Variants in AGMO observed in about 807,000 individuals in gnomAD.
AGMO encodes the protein glyceryl-ether monooxygenase.
A neutral mutation model predicts 60.2 loss-of-function variants in AGMO; 75 were observed. That is an observed-to-expected ratio of 1.25 (90% CI 1.03 to 1.51). AGMO has a LOEUF of 1.51. Ranked by LOEUF, AGMO falls within the 40% of genes most tolerant of loss-of-function variation. The pLI, the probability that AGMO is intolerant of heterozygous loss-of-function variation, is 0.00. For missense variants in AGMO, 763 were observed against 525.5 expected (o/e 1.45, Z -4.42); for synonymous variants, 261 against 177.1 (o/e 1.47, Z -3.76).
intron 12 of AGMO, among the ~76,000 whole-genome samples, chr7:15,298,142 CAGAT>C (rs1019679142): frequency 3.9e-5 from 6 of 152,024 alleles, no homozygotes; most frequent in African/African-American, 4.8e-5. Flanking sequence ...AACTGAGAAA[CAGAT>C]AGACTACTTG....
chr7:15,486,354 T>A (rs1313010964), intron 3 of AGMO, among the ~76,000 whole-genome samples: 2 of 152,158 alleles, frequency 1.3e-5, no homozygotes, highest in African/African-American at 4.8e-5. Context: ...ACCCTGGATT[T>A]ATTAAAAAAA....
intron 12 of AGMO, among the ~76,000 whole-genome samples, chr7:15,249,883 G>C (rs1782881580): frequency 1.3e-5 from 2 of 152,120 alleles, no homozygotes; most frequent in Non-Finnish European, 2.9e-5. Flanking sequence ...AATTTAGCTT[G>C]AGAACTTTAG....
intron 12 of AGMO, among the ~76,000 whole-genome samples, chr7:15,239,059 A>C (rs1782511658): frequency 1.3e-5 from 2 of 152,118 alleles, no homozygotes. Flanking sequence ...AGTACCTGGC[A>C]AACCTAAAAC....
At chr7:15,375,481 C>CT (rs1562469132) in intron 10 of AGMO, among the ~76,000 whole-genome samples, 1 of 145,232 alleles carries the variant, frequency 6.9e-6, no homozygotes, top group Admixed American at 7.0e-5. Context: ...TGCACAACCT[C>CT]TAACTCCTGG....
chr7:15,211,805 G>GAAAT (rs1563037043), intron 12 of AGMO, among the ~76,000 whole-genome samples: 1 of 151,828 alleles, frequency 6.6e-6, no homozygotes, highest in East Asian at 1.9e-4. Flanking sequence ...CAACACAATG[G>GAAAT]AAATACATGC....
the AGMO span, among the ~76,000 whole-genome samples, chr7:15,117,649 T>A: frequency 6.6e-6 from 1 of 151,898 alleles, no homozygotes; most frequent in East Asian, 1.9e-4. Context: ...ATGTAACAAG[T>A]ACATGTACTC....
At chr7:15,354,242 A>T (rs1222499542) in intron 12 of AGMO, among the ~76,000 whole-genome samples, 1 of 150,730 alleles carries the variant, frequency 6.6e-6, no homozygotes, top group African/African-American at 2.4e-5. Context: ...ATGTACCATT[A>T]CAGAACAGTA....
chr7:15,467,534 C>T (rs1187358813), intron 3 of AGMO, among the ~76,000 whole-genome samples: 2 of 152,112 alleles, frequency 1.3e-5, no homozygotes, highest in African/African-American at 4.8e-5. Context: ...ATTTTAAATA[C>T]ACACAAAAGG....
intron 12 of AGMO, among the ~76,000 whole-genome samples, chr7:15,234,376 A>G (rs572084365): frequency 1.4e-3 from 214 of 152,262 alleles, no homozygotes; most frequent in Non-Finnish European, 2.5e-3. Flanking sequence ...CCACACAGCA[A>G]AAGTCCAAAA....
At chr7:15,141,916 A>T in the AGMO span, among the ~76,000 whole-genome samples, 1 of 152,304 alleles carries the variant, frequency 6.6e-6, no homozygotes, top group South Asian at 2.1e-4. Flanking sequence ...GAATATGTTT[A>T]AAAAATCTAT....
At chr7:15,373,047 T>C (rs1783280715) in intron 10 of AGMO, among the ~76,000 whole-genome samples, 1 of 152,190 alleles carries the variant, frequency 6.6e-6, no homozygotes, top group Non-Finnish European at 1.5e-5. Flanking sequence ...GCAATTCACT[T>C]GAGGCCAGGA....
At chr7:15,555,161 T>C (rs961120677) in intron 2 of AGMO, among the ~76,000 whole-genome samples, 8 of 151,776 alleles carry the variant, frequency 5.3e-5, no homozygotes, top group African/African-American at 1.4e-4. Flanking sequence ...GATATTTTTA[T>C]TTCTAATAAT....
downstream of AGMO, among the ~76,000 whole-genome samples, chr7:15,196,104 G>A (rs953892719): frequency 1.3e-5 from 2 of 151,658 alleles, no homozygotes; most frequent in African/African-American, 4.9e-5. Context: ...ATGCAGTGGT[G>A]TGATCTCGGC....
intron 10 of AGMO, among the ~76,000 whole-genome samples, chr7:15,380,935 G>C (rs1783658479): frequency 6.6e-6 from 1 of 152,070 alleles, no homozygotes; most frequent in Admixed American, 6.6e-5. Context: ...ATGGGGAAAG[G>C]ATTCCCTAAT....
At chr7:15,146,382 A>C in the AGMO span, among the ~76,000 whole-genome samples, 279 of 152,322 alleles carry the variant, frequency 1.8e-3, 1 homozygote, top group Non-Finnish European at 3.3e-3. Context: ...AATTACCCAA[A>C]GAAAGAAAAA....
intron 12 of AGMO, among the ~76,000 whole-genome samples, chr7:15,332,663 G>A (rs762188339): frequency 1.3e-5 from 2 of 151,994 alleles, no homozygotes; most frequent in African/African-American, 4.8e-5. Context: ...TAATTAATAT[G>A]AAATGAGATA....
At chr7:15,370,670 G>A (rs1463477050) in intron 10 of AGMO, among the ~76,000 whole-genome samples, 1 of 147,794 alleles carries the variant, frequency 6.8e-6, no homozygotes, top group African/African-American at 2.5e-5. Context: ...CATGTTTGTT[G>A]GATACTTGTA....
At chr7:15,287,450 T>C (rs1285998586) in intron 12 of AGMO, among the ~76,000 whole-genome samples, 1 of 152,210 alleles carries the variant, frequency 6.6e-6, no homozygotes, top group Non-Finnish European at 1.5e-5. Flanking sequence ...ATAAAATATT[T>C]ACTCTGAACT....
At chr7:15,379,014 G>C (rs577625613) in intron 10 of AGMO, among the ~76,000 whole-genome samples, 4 of 151,926 alleles carry the variant, frequency 2.6e-5, no homozygotes, top group South Asian at 2.1e-4. Flanking sequence ...ATCACTTTTC[G>C]GTAAATGATG....
Sources: allele counts gnomAD v4.1 joint callset (sites outside exome capture counted in the v4.1 genomes callset), GRCh38; gene constraint gnomAD v4.1.1; transcripts MANE v1.5; gene names NCBI Gene and HGNC (gene_info 2026-07-23, HGNC 2026-07-21).